The following IGSF10 variants were observed in gnomAD, a reference collection of about 807,000 sequenced individuals.
IGSF10 encodes the protein calvaria mechanical force protein 608.
IGSF10 carries 126 observed loss-of-function variants against 128.2 expected under a neutral mutation model. The ratio of observed to expected loss-of-function variants is 0.98; its 90% confidence interval spans 0.85 to 1.14. The LOEUF is 1.14. IGSF10 is among the 50% of genes most tolerant of loss of function. IGSF10 has a pLI of 0.00. For missense variants in IGSF10, 3,295 were observed against 3,149.8 expected (o/e 1.05, Z -1.10); for synonymous variants, 1,185 against 1,146.2 (o/e 1.03, Z -0.68).
chr3:151,509,735 G>A, the IGSF10 span, among the ~76,000 whole-genome samples: 1 of 152,240 alleles, frequency 6.6e-6, no homozygotes, highest in Non-Finnish European at 1.5e-5. Context: ...GTCAAAGAAA[G>A]GGGTGACAGA....
the IGSF10 span, among the ~76,000 whole-genome samples, chr3:151,543,350 T>C: frequency 1.3e-5 from 2 of 152,168 alleles, no homozygotes; most frequent in African/African-American, 4.8e-5. Context: ...TTAGCTCTCT[T>C]ACACTGTCCA....
the IGSF10 span, among the ~76,000 whole-genome samples, chr3:151,485,761 T>A: frequency 3.0e-4 from 45 of 152,296 alleles, no homozygotes; most frequent in African/African-American, 1.0e-3. Flanking sequence ...TGAGAGATTT[T>A]GTCACCATCA....
At chr3:151,561,646 C>T in the IGSF10 span, among the ~76,000 whole-genome samples, 6 of 152,140 alleles carry the variant, frequency 3.9e-5, no homozygotes, top group South Asian at 1.0e-3. Flanking sequence ...TGACATGGAA[C>T]GTCCTCTAAG....
At chr3:151,460,394 T>A in intron 1 of IGSF10, 47 bp from the exon 2 acceptor site, 1 of 637,374 alleles carries the variant, frequency 1.6e-6, no homozygotes. Flanking sequence ...AAAAGCCTTA[T>A]TCTTTTTGGC....
chr3:151,491,565 G>C, the IGSF10 span, among the ~76,000 whole-genome samples: 1 of 152,028 alleles, frequency 6.6e-6, no homozygotes, highest in African/African-American at 2.4e-5. Context: ...GTGACGGAGT[G>C]AGAAATAGTT....
the IGSF10 span, among the ~76,000 whole-genome samples, chr3:151,546,230 G>A: frequency 2.6e-5 from 4 of 151,900 alleles, no homozygotes; most frequent in East Asian, 1.9e-4. Context: ...AGCATGCAGC[G>A]AGACTATTAT....
chr3:151,456,794 AT>A (rs1000029000), intron 4 of IGSF10, among the ~76,000 whole-genome samples: 2 of 151,922 alleles, frequency 1.3e-5, no homozygotes, highest in South Asian at 2.1e-4. Context: ...CTGGGTATTG[AT>A]TTTTTTTCTA....
the IGSF10 span, among the ~76,000 whole-genome samples, chr3:151,526,101 A>G: frequency 6.6e-6 from 1 of 152,194 alleles, no homozygotes; most frequent in Admixed American, 6.5e-5. Flanking sequence ...TTTATCTAGC[A>G]CATAACCATG....
At chr3:151,474,089 A>G in the IGSF10 span, among the ~76,000 whole-genome samples, 1 of 152,184 alleles carries the variant, frequency 6.6e-6, no homozygotes, top group Non-Finnish European at 1.5e-5. Flanking sequence ...CTAGAGTTTC[A>G]GATGGGTAAA....
chr3:151,457,286 CT>C (rs958497386), intron 3 of IGSF10, 131 bp from the exon 4 acceptor site: 4 of 853,780 alleles, frequency 4.7e-6, no homozygotes, highest in Non-Finnish European at 7.0e-6. Context: ...CAATCAAATG[CT>C]TCAAAAACTG....
chr3:151,547,392 T>C, the IGSF10 span, among the ~76,000 whole-genome samples: 1 of 150,262 alleles, frequency 6.7e-6, no homozygotes, highest in African/African-American at 2.5e-5. Context: ...TTTTGACTCC[T>C]CTCCTTAGTT....
chr3:151,446,051 G>T lies in IGSF10; in HGVS notation c.3930C>A (p.Ser1310Arg). Reference protein sequence around the residue: ...SIISKDSSTKSIISTQTAIPA... With the variant: ...SIISKDSSTKRIISTQTAIPA... ...GTATTGCTGTTTGCGTTGATATGATGCTTTTTGTACTTGAGTCTTTGCTTA... is the reference window on the plus strand; with the variant it reads ...GTATTGCTGTTTGCGTTGATATGATTCTTTTTGTACTTGAGTCTTTGCTTA... Residue 1310 changes from serine (S) to arginine (R), a missense_variant, in exon 6 of 8, where the codon AGC becomes AGA. Coordinates refer to ENST00000282466, the MANE Select transcript of IGSF10 (RefSeq NM_178822.5). The T allele has an allele frequency of 6.2e-7, 1 of 1,614,120 alleles. No homozygotes were observed. The highest frequency in any genetic ancestry group is 2.2e-5 in the East Asian group (1 of 44,886).
chr3:151,582,637 C>G, the IGSF10 span, among the ~76,000 whole-genome samples: 1 of 151,926 alleles, frequency 6.6e-6, no homozygotes, highest in Non-Finnish European at 1.5e-5. Context: ...ATTTTTTCAC[C>G]CATTCAACTA....
At chr3:151,501,248 TC>T in the IGSF10 span, among the ~76,000 whole-genome samples, 1 of 152,110 alleles carries the variant, frequency 6.6e-6, no homozygotes, top group South Asian at 2.1e-4. Flanking sequence ...TTCCCTGTCT[TC>T]CGCACTTTTG....
At chr3:151,547,419 AAT>A in the IGSF10 span, among the ~76,000 whole-genome samples, 384 of 141,650 alleles carry the variant, frequency 2.7e-3, 2 homozygotes, top group East Asian at 6.2e-3. Flanking sequence ...ATATTATATA[AAT>A]ATATATATAC....
chr3:151,497,847 TTTCGC>T, the IGSF10 span, among the ~76,000 whole-genome samples: 1 of 152,116 alleles, frequency 6.6e-6, no homozygotes, highest in Admixed American at 6.6e-5. Context: ...TCCTCTTTTA[TTTCGC>T]TGAGCAGTGG....
At chr3:151,492,435 G>A in the IGSF10 span, among the ~76,000 whole-genome samples, 4 of 152,176 alleles carry the variant, frequency 2.6e-5, no homozygotes, top group Non-Finnish European at 5.9e-5. Context: ...AGCTATTATG[G>A]AAAACAGTAT....
the IGSF10 span, among the ~76,000 whole-genome samples, chr3:151,486,401 G>A: frequency 6.6e-5 from 10 of 152,094 alleles, no homozygotes; most frequent in East Asian, 5.8e-4. Context: ...GTCAATATTA[G>A]ATTAATGGGA....
the IGSF10 span, among the ~76,000 whole-genome samples, chr3:151,554,871 G>A: frequency 1.3e-5 from 2 of 152,146 alleles, no homozygotes; most frequent in African/African-American, 4.8e-5. Context: ...GCAAGGGTTC[G>A]AGGCTATCCA....
Sources: allele counts gnomAD v4.1 joint callset (sites outside exome capture counted in the v4.1 genomes callset), GRCh38; gene constraint gnomAD v4.1.1; transcripts MANE v1.5; gene names NCBI Gene and HGNC (gene_info 2026-07-23, HGNC 2026-07-21).